The following COL21A1 variants were observed in gnomAD, a reference collection of about 807,000 sequenced individuals.
COL21A1 encodes the protein collagen alpha-1(XXI) chain.
Under a neutral mutation model 137.9 loss-of-function variants are expected in COL21A1, and 149 were observed. The ratio of observed to expected loss-of-function variants is 1.08; its 90% CI spans 0.95 to 1.24. The LOEUF is 1.24. COL21A1 is among the 50% of genes most tolerant of loss of function. The probability of loss-of-function intolerance (pLI) is 0.00; values close to 1 mark genes in which losing one functional copy is unlikely to be tolerated. For synonymous variants in COL21A1, 456 were observed against 391.5 expected, an observed-to-expected ratio of 1.16 and a Z score of -1.95; for missense variants, 1,167 against 1,158.4, an observed-to-expected ratio of 1.01 and a Z score of -0.11.
At chr6:56,352,146 A>G (rs749337882) in intron 1 of COL21A1, among the ~76,000 whole-genome samples, 11 of 150,538 alleles carry the variant, frequency 7.3e-5, no homozygotes, top group Non-Finnish European at 1.2e-4. Context: ...TAAAATCAAA[A>G]TTGATGCAAA....
intron 1 of COL21A1, among the ~76,000 whole-genome samples, chr6:56,375,439 G>C (rs150111058): frequency 2.0e-4 from 30 of 152,284 alleles, no homozygotes; most frequent in Non-Finnish European, 4.0e-4. Flanking sequence ...TATTTTCCCT[G>C]CCTCCTTCCT....
At position 56,105,969 on chromosome 6, in the gene COL21A1, T is replaced by C. The variant is rs571071103; in HGVS notation, c.1759-4444A>G. On this transcript the variant is annotated intron_variant, in intron 16 of 29. Transcript: ENST00000244728. Reference sequence around the variant, plus strand: ...TACTGGTTTATGCAAATTCCAGTGTTGAGTAAACCAAACTGAAAATAGCCT... The same window carrying C: ...TACTGGTTTATGCAAATTCCAGTGTCGAGTAAACCAAACTGAAAATAGCCT... Among the ~76,000 whole-genome samples, 26 of 152,344 alleles carry C rather than the reference T, an allele frequency of 1.7e-4. No homozygotes were observed. The East Asian group carries it at 4.6e-3, about 27-fold the overall frequency.
intron 1 of COL21A1, among the ~76,000 whole-genome samples, chr6:56,279,064 T>C (rs914189211): frequency 3.9e-5 from 6 of 152,130 alleles, no homozygotes; most frequent in African/African-American, 7.2e-5. Flanking sequence ...TGGGAGGTAA[T>C]TGGATCACAG....
In COL21A1 at chr6:56,067,293, A is replaced by G. The variant is rs1766349870; in HGVS notation, c.2127+2T>C. 1 of 1,608,132 alleles carries G rather than the reference A, an allele frequency of 6.2e-7. No individual in the cohort carries two copies. Among genetic ancestry groups the G allele is most frequent in the Admixed American group, 1.7e-5 (1 of 59,596 alleles). On this transcript the variant is annotated splice_donor_variant, in intron 23 of 29. Transcript: ENST00000244728. LOFTEE classifies it high-confidence loss of function. ...CCTACTAAAAAAAAGCAAACAACATACCTGAATACCTTTTTCACCTTGATT... is the reference window on the plus strand; with the variant it reads ...CCTACTAAAAAAAAGCAAACAACATGCCTGAATACCTTTTTCACCTTGATT...
chr6:56,175,728 G>T (rs1047594621), intron 3 of COL21A1, among the ~76,000 whole-genome samples: 1 of 152,100 alleles, frequency 6.6e-6, no homozygotes, highest in African/African-American at 2.4e-5. Context: ...CAGATTCAAT[G>T]CAATCCCTAT....
intron 1 of COL21A1, among the ~76,000 whole-genome samples, chr6:56,206,721 T>C (rs1179716435): frequency 3.8e-5 from 3 of 79,624 alleles, no homozygotes; most frequent in South Asian, 4.0e-4. Context: ...TATATATATA[T>C]ATATATATAT....
At chr6:56,089,879 G>A (rs1318384830) in intron 17 of COL21A1, among the ~76,000 whole-genome samples, 1 of 152,114 alleles carries the variant, frequency 6.6e-6, no homozygotes, top group African/African-American at 2.4e-5. Context: ...TAAAGAAATG[G>A]ATAGAAAAGA....
chr6:56,390,510 A>G (rs72875572), intron 1 of COL21A1, among the ~76,000 whole-genome samples: 2,610 of 128,124 alleles, frequency 0.02, 63 homozygotes, highest in African/African-American at 0.07. Context: ...ACACACACAC[A>G]CACACACACA....
At chr6:56,146,026 G>T (rs12214594) in intron 10 of COL21A1, among the ~76,000 whole-genome samples, 4 of 151,872 alleles carry the variant, frequency 2.6e-5, no homozygotes, top group African/African-American at 9.7e-5. Context: ...ATGTGCAAGG[G>T]TCACCAACTA....
intron 1 of COL21A1, among the ~76,000 whole-genome samples, chr6:56,246,946 G>A (rs1281443761): frequency 1.3e-5 from 2 of 152,166 alleles, no homozygotes; most frequent in East Asian, 3.8e-4. Context: ...GTCCCGGAGT[G>A]AGTCCATAAT....
At chr6:56,184,555 C>G (rs1337413153) in intron 1 of COL21A1, among the ~76,000 whole-genome samples, 4 of 152,114 alleles carry the variant, frequency 2.6e-5, no homozygotes, top group Admixed American at 2.6e-4. Flanking sequence ...TGGGACAACA[C>G]TATTATTAAC....
At chr6:56,086,514 A>G (rs1312538851) in intron 17 of COL21A1, among the ~76,000 whole-genome samples, 1 of 152,172 alleles carries the variant, frequency 6.6e-6, no homozygotes, top group Non-Finnish European at 1.5e-5. Context: ...TATGGAAGAG[A>G]AAATATATCT....
chr6:56,181,394 TTTTTG>T (rs1026358700), intron 2 of COL21A1, among the ~76,000 whole-genome samples: 59 of 147,776 alleles, frequency 4.0e-4, no homozygotes, highest in African/African-American at 1.5e-3. Flanking sequence ...TGTTTTTTGT[TTTTTG>T]TTTTTTTTTT....
intron 18 of COL21A1, 56 bp downstream of exon 18, chr6:56,077,470 GACA>G (rs553303526): frequency 1.6e-4 from 173 of 1,062,764 alleles, no homozygotes; most frequent in South Asian, 3.6e-4. Context: ...TTTTATTGTA[GACA>G]ACAATGCATT....
At chr6:56,223,912 T>G (rs1419258292) in intron 1 of COL21A1, among the ~76,000 whole-genome samples, 2 of 151,098 alleles carry the variant, frequency 1.3e-5, no homozygotes, top group African/African-American at 4.9e-5. Flanking sequence ...GAGTGTTCTG[T>G]GCATCTTATT....
intron 3 of COL21A1, among the ~76,000 whole-genome samples, chr6:56,177,154 GT>G (rs1777549787): frequency 6.6e-6 from 1 of 152,094 alleles, no homozygotes; most frequent in East Asian, 1.9e-4. Context: ...AGCAGCACAA[GT>G]CTTTTACACA....
At chr6:56,344,554 T>C (rs1765545814) in intron 1 of COL21A1, among the ~76,000 whole-genome samples, 1 of 152,224 alleles carries the variant, frequency 6.6e-6, no homozygotes, top group South Asian at 2.1e-4. Context: ...ATGTCATTTG[T>C]TTATAATAAG....
intron 1 of COL21A1, among the ~76,000 whole-genome samples, chr6:56,282,513 G>A (rs565101121): frequency 2.0e-4 from 30 of 152,306 alleles, no homozygotes; most frequent in Middle Eastern, 3.4e-3. Flanking sequence ...AGGCCTGGAT[G>A]CCAGATACAC....
chr6:56,242,317 A>T (rs901586435), intron 1 of COL21A1, among the ~76,000 whole-genome samples: 3 of 152,210 alleles, frequency 2.0e-5, no homozygotes, highest in African/African-American at 7.2e-5. Context: ...CCATTACGTA[A>T]TTAATGCAAA....
Sources: gnomAD v4.1 joint callset for allele counts (sites outside exome capture counted in the v4.1 genomes callset) on GRCh38, gnomAD v4.1.1 for gene constraint, MANE v1.5 for transcripts, NCBI Gene and HGNC (gene_info 2026-07-23, HGNC 2026-07-21) for gene names.